CDH13: variants seen among roughly 807,000 people sequenced by gnomAD.
CDH13 encodes the protein cadherin-13.
A neutral mutation model predicts 63.8 loss-of-function variants in CDH13; 24 were observed. The ratio of observed to expected loss-of-function variants is 0.38; its 90% CI spans 0.27 to 0.53. CDH13 has a LOEUF of 0.53. CDH13 is among the 20% of genes least tolerant of loss of function. The pLI is 0.85. For missense variants in CDH13, 1,049 were observed against 903.1 expected (o/e 1.16, Z -2.07); for synonymous variants, 503 against 355.3 (o/e 1.42, Z -4.67).
rs67985333 is a variant in CDH13 at position 83,010,135 on chromosome 16, C to CAAAA, written c.158-21851_158-21848dup. ...GGGCAACAAGAGCAAAACTCTGTCT[C>CAAAA]AAAAAAAAAAAAAAAAAAAAAAAAA... On this transcript the variant is annotated intron_variant, in intron 2 of 13. Coordinates refer to ENST00000567109, the MANE Select transcript of CDH13 (RefSeq NM_001257.5). 7.6e-4 allele frequency among the ~76,000 whole-genome samples: 38 copies of CAAAA among 50,104 alleles called. 2 individuals carry two copies. The highest frequency in any genetic ancestry group is 2.9e-3 in the African/African-American group (32 of 10,866). The allele number at this position is 50,104 out of a possible 152,430, so 32.9% of individuals were successfully genotyped here. A position where few individuals can be genotyped will look rare whatever the true frequency, so the allele number is the denominator to read the frequency against.
chr16:83,166,861 G>A lies in CDH13; in HGVS notation c.483+41360G>A, dbSNP rs182709040. On this transcript the variant is annotated intron_variant, in intron 4 of 13. Coordinates refer to ENST00000567109, the MANE Select transcript of CDH13 (RefSeq NM_001257.5). The stretch of plus-strand genomic sequence containing the variant: ...GACAAGTGTATTACCGCCATTCACG[G>A]AGACATTTTTGCAGTGTTGCAAATC... 2.0e-5 allele frequency among the ~76,000 whole-genome samples: 3 copies of A among 152,262 alleles called. No individual in the cohort carries two copies. In the East Asian group the frequency reaches 5.8e-4, roughly 29 times the overall value.
rs538545655 is a variant in CDH13, at chr16:83,433,868, C to T, written c.782-52609C>T. Among the ~76,000 whole-genome samples, 4 of 152,038 alleles carry T rather than the reference C, an allele frequency of 2.6e-5. No individual in the cohort carries two copies. The South Asian group carries it at 8.3e-4, about 32-fold the overall frequency. ...TAGTTGGTAATGATTTTTTTTTCCT[C>T]AGTGCAAAGCACACTCTTAATCTAA... On this transcript the variant is annotated intron_variant, in intron 6 of 13. Coordinates refer to ENST00000567109, the MANE Select transcript of CDH13 (RefSeq NM_001257.5).
chr16:82,845,477 G>A (rs1482948132), intron 1 of CDH13, among the ~76,000 whole-genome samples: 1 of 152,196 alleles, frequency 6.6e-6, no homozygotes, highest in African/African-American at 2.4e-5. Context: ...ATCAGAGGTT[G>A]GCTGAGGTAT....
chr16:83,061,651 G>A (rs2031560640), intron 3 of CDH13, among the ~76,000 whole-genome samples: 1 of 152,186 alleles, frequency 6.6e-6, no homozygotes, highest in South Asian at 2.1e-4. Context: ...GGCTCATGCT[G>A]CTCTTTGCAC....
At chr16:83,563,201 C>T (rs1459302721) in intron 7 of CDH13, among the ~76,000 whole-genome samples, 2 of 152,216 alleles carry the variant, frequency 1.3e-5, no homozygotes, top group Non-Finnish European at 1.5e-5. Flanking sequence ...GCTTCCTCTT[C>T]TTAGGAGTCT....
chr16:83,542,068 C>A (rs983589816), intron 7 of CDH13, among the ~76,000 whole-genome samples: 5 of 152,236 alleles, frequency 3.3e-5, no homozygotes, highest in African/African-American at 4.8e-5. Flanking sequence ...CATGGCATCA[C>A]CCCAGAGCTT....
chr16:82,889,089 C>G (rs1336552957), intron 2 of CDH13, among the ~76,000 whole-genome samples: 3 of 152,206 alleles, frequency 2.0e-5, no homozygotes, highest in Admixed American at 6.5e-5. Context: ...ATGAGAGTCA[C>G]TCTTCAAGTG....
chr16:83,212,065 G>A (rs376377022), intron 4 of CDH13, among the ~76,000 whole-genome samples: 18 of 152,126 alleles, frequency 1.2e-4, no homozygotes, highest in African/African-American at 4.1e-4. Flanking sequence ...TTGGCCAGAG[G>A]AGTGCACTGG....
chr16:83,090,891 G>A (rs1241480654), intron 3 of CDH13, among the ~76,000 whole-genome samples: 10 of 147,206 alleles, frequency 6.8e-5, no homozygotes, highest in Non-Finnish European at 1.5e-5. Flanking sequence ...AAACCATTTT[G>A]AAAAAAAAAA....
intron 4 of CDH13, among the ~76,000 whole-genome samples, chr16:83,216,785 GC>G (rs1425229482): frequency 6.7e-6 from 1 of 149,430 alleles, no homozygotes; most frequent in South Asian, 2.1e-4. Context: ...ATATATATAA[GC>G]CCCCTAAATA....
Position 83,760,510 on chromosome 16 carries a change from G to T in CDH13, c.1681+12260G>T, listed in dbSNP as rs547993900. On this transcript the variant is annotated intron_variant, in intron 11 of 13. Transcript: ENST00000567109. ...AATGGCATCTGTACAATAATAATGA[G>T]TGAATGAACTGCAACTATTCACAAC... Among the ~76,000 whole-genome samples, 5 of 152,316 alleles carry T rather than the reference G, an allele frequency of 3.3e-5. 1 individual carries two copies. Among genetic ancestry groups the T allele is most frequent in the African/African-American group, 1.2e-4 (5 of 41,558 alleles).
intron 5 of CDH13, among the ~76,000 whole-genome samples, chr16:83,272,696 A>G (rs2088862217): frequency 6.6e-6 from 1 of 152,156 alleles, no homozygotes; most frequent in Admixed American, 6.5e-5. Context: ...CATAAGGTGG[A>G]AAAACTACTC....
chr16:83,390,098 T>C (rs964169734), intron 6 of CDH13, among the ~76,000 whole-genome samples: 3 of 152,198 alleles, frequency 2.0e-5, no homozygotes, highest in African/African-American at 7.2e-5. Flanking sequence ...TCCTGGGCCA[T>C]GTGTAAATCA....
Position 82,936,686 on chromosome 16 carries a change from A to G in CDH13, c.157+78213A>G, listed in dbSNP as rs558184514. Among the ~76,000 whole-genome samples, 5 of 152,262 alleles carry G rather than the reference A, an allele frequency of 3.3e-5. No homozygotes were observed. The South Asian group carries it at 1.0e-3, about 32-fold the overall frequency. On this transcript the variant is annotated intron_variant, in intron 2 of 13. Transcript: ENST00000567109. ...CTTTAGATCGTAACGTTCATATTGAAACATTTGTCCTACCTACGGATGCCA... is the reference window on the plus strand; with the variant it reads ...CTTTAGATCGTAACGTTCATATTGAGACATTTGTCCTACCTACGGATGCCA...
chr16:82,873,726 G>T (rs1238496354), intron 2 of CDH13, among the ~76,000 whole-genome samples: 6 of 152,178 alleles, frequency 3.9e-5, no homozygotes, highest in Non-Finnish European at 8.8e-5. Context: ...TCCTTTAAAA[G>T]AATAAGGCTG....
chr16:83,359,843 G>A (rs2091128986), intron 6 of CDH13, among the ~76,000 whole-genome samples: 1 of 152,076 alleles, frequency 6.6e-6, no homozygotes, highest in African/African-American at 2.4e-5. Context: ...TTGTCATTCG[G>A]TGGTTTTTAA....
intron 3 of CDH13, among the ~76,000 whole-genome samples, chr16:83,059,017 G>C (rs900712853): frequency 6.6e-6 from 1 of 152,090 alleles, no homozygotes; most frequent in East Asian, 1.9e-4. Context: ...GGAGATTCCC[G>C]GGAAGAAAAG....
intron 3 of CDH13, among the ~76,000 whole-genome samples, chr16:83,118,622 TA>T (rs2035422131): frequency 6.6e-6 from 1 of 152,188 alleles, no homozygotes; most frequent in African/African-American, 2.4e-5. Context: ...CTGGTGTTAA[TA>T]AGACTCATCC....
At chr16:83,608,566 A>T (rs1224709257) in intron 8 of CDH13, among the ~76,000 whole-genome samples, 1 of 151,992 alleles carries the variant, frequency 6.6e-6, no homozygotes, top group Non-Finnish European at 1.5e-5. Context: ...GCTCACTGCA[A>T]CCTCAAGCTC....
Sources: gnomAD v4.1 joint callset for allele counts (sites outside exome capture counted in the v4.1 genomes callset) on GRCh38, gnomAD v4.1.1 for gene constraint, MANE v1.5 for transcripts, NCBI Gene and HGNC (gene_info 2026-07-23, HGNC 2026-07-21) for gene names.